Variants in PDE4D observed in about 807,000 individuals in gnomAD.
PDE4D encodes the protein 3',5'-cyclic-AMP phosphodiesterase 4D.
PDE4D carries 24 observed loss-of-function variants against 87.4 expected under a neutral mutation model. That is an observed-to-expected ratio of 0.27 (90% CI 0.20 to 0.39). The LOEUF (loss-of-function observed/expected upper bound fraction) is 0.39, where lower values mean the gene tolerates loss of function less well. Ranked by LOEUF, PDE4D falls within the 10% of genes least tolerant of loss-of-function variation. PDE4D has a pLI of 1.00. For missense variants in PDE4D, 714 were observed against 1,041.0 expected, an observed-to-expected ratio of 0.69 and a Z score of 4.32; for synonymous variants, 384 against 383.2, an observed-to-expected ratio of 1.00 and a Z score of -0.02.
At chr5:60,322,387 C>T (rs753276014) in intron 1 of PDE4D, among the ~76,000 whole-genome samples, 9,276 of 150,386 alleles carry the variant, frequency 0.062, 306 homozygotes, top group Middle Eastern at 0.079. Flanking sequence ...CACACACACA[C>T]ACACACACAC....
intron 1 of PDE4D, among the ~76,000 whole-genome samples, chr5:59,891,305 A>G (rs1475547341): frequency 6.6e-6 from 1 of 152,240 alleles, no homozygotes; most frequent in Non-Finnish European, 1.5e-5. Context: ...AATGAAGTCA[A>G]TTAAGAAACT....
intron 1 of PDE4D, among the ~76,000 whole-genome samples, chr5:59,437,469 A>G (rs1006225636): frequency 8.5e-5 from 13 of 152,224 alleles, no homozygotes; most frequent in Middle Eastern, 3.2e-3. Flanking sequence ...CCAAATAACC[A>G]AATGTATCAT....
intron 1 of PDE4D, among the ~76,000 whole-genome samples, chr5:59,556,217 T>C (rs914181651): frequency 6.6e-6 from 1 of 152,208 alleles, no homozygotes; most frequent in Non-Finnish European, 1.5e-5. Context: ...CCTGCACATC[T>C]GAGACAGAGT....
At chr5:60,045,621 T>C (rs1769129560) in intron 2 of PDE4D, among the ~76,000 whole-genome samples, 2 of 152,222 alleles carry the variant, frequency 1.3e-5, no homozygotes, top group Admixed American at 1.3e-4. Flanking sequence ...AAATAGGGAA[T>C]CCTCTCCCCA....
chr5:59,546,247 T>G (rs896436770), intron 1 of PDE4D, among the ~76,000 whole-genome samples: 1 of 152,146 alleles, frequency 6.6e-6, no homozygotes, highest in African/African-American at 2.4e-5. Context: ...ATTATATTTA[T>G]CTTTACATAA....
chr5:59,441,176 C>G (rs894391760), intron 1 of PDE4D, among the ~76,000 whole-genome samples: 1 of 150,908 alleles, frequency 6.6e-6, no homozygotes, highest in African/African-American at 2.4e-5. Context: ...CTCATTGCAG[C>G]CTCCACAGCC....
intron 1 of PDE4D, among the ~76,000 whole-genome samples, chr5:59,390,444 G>A (rs2153607754): frequency 6.6e-6 from 1 of 152,216 alleles, no homozygotes. Context: ...TTGATGAATG[G>A]ATGTTTCAGA....
At chr5:60,408,522 C>T (rs1741768492) in intron 1 of PDE4D, among the ~76,000 whole-genome samples, 1 of 152,294 alleles carries the variant, frequency 6.6e-6, no homozygotes, top group African/African-American at 2.4e-5. Context: ...CTGTCAATCA[C>T]ATAATTTCTG....
At chr5:60,160,468 TTA>T (rs1782373786) in intron 2 of PDE4D, among the ~76,000 whole-genome samples, 1 of 152,164 alleles carries the variant, frequency 6.6e-6, no homozygotes, top group African/African-American at 2.4e-5. Flanking sequence ...GCAGGAACTT[TTA>T]ACTATCTCAC....
intron 2 of PDE4D, among the ~76,000 whole-genome samples, chr5:60,138,528 T>C (rs921251823): frequency 4.6e-5 from 7 of 152,132 alleles, no homozygotes; most frequent in Admixed American, 2.0e-4. Flanking sequence ...AATCTGGAAA[T>C]GTCTTTCATT....
chr5:59,662,834 TTTATTA>T (rs750500347), intron 1 of PDE4D, among the ~76,000 whole-genome samples: 1 of 151,798 alleles, frequency 6.6e-6, no homozygotes, highest in Non-Finnish European at 1.5e-5. Flanking sequence ...ACTTCTGCTA[TTTATTA>T]TTAATTTTCT....
intron 1 of PDE4D, among the ~76,000 whole-genome samples, chr5:60,454,815 A>T (rs1472773960): frequency 6.6e-6 from 1 of 152,140 alleles, no homozygotes; most frequent in Admixed American, 6.6e-5. Flanking sequence ...GTAAAATAAA[A>T]TTTAAAAATA....
chr5:59,797,664 C>G (rs1465785574), intron 1 of PDE4D, among the ~76,000 whole-genome samples: 1 of 152,016 alleles, frequency 6.6e-6, no homozygotes, highest in African/African-American at 2.4e-5. Flanking sequence ...GGAAGCCAGC[C>G]CTCACTAGAA....
rs1773546293 is a variant in PDE4D, at chr5:60,078,352, C to T, written c.43-89635G>A. 2.0e-5 allele frequency among the ~76,000 whole-genome samples: 3 copies of T among 151,932 alleles called. No homozygotes were observed. In the South Asian group the frequency reaches 6.3e-4, roughly 32 times the overall value. ...CTCTTAGCAATGCTTTAGTTGTATC[C>T]CATATGTTTTGGTATATTTTGTTTT... On this transcript the variant is annotated intron_variant, in intron 2 of 16. Transcript: ENST00000502484.
chr5:59,079,878 AGGAG>A, intron 5 of PDE4D, among the ~76,000 whole-genome samples: 1 of 115,578 alleles, frequency 8.7e-6, no homozygotes, highest in Non-Finnish European at 1.7e-5. Flanking sequence ...AGGAGAGGAG[AGGAG>A]AAGGGGAATG....
intron 1 of PDE4D, among the ~76,000 whole-genome samples, chr5:59,333,026 G>T (rs1463178540): frequency 2.0e-5 from 3 of 152,308 alleles, no homozygotes; most frequent in Non-Finnish European, 4.4e-5. Context: ...TCAAGCTATT[G>T]TGAGTCCAGG....
In PDE4D at chr5:59,893,358, CGGGCGGCGGCGGGGGCGGCGGCAGGGG is replaced by C. The variant is rs1327254150; in HGVS notation, c.238_264del (p.Pro80_Pro88del). On this transcript the variant is annotated inframe_deletion, in exon 1 of 15. Coordinates refer to ENST00000340635, the MANE Select transcript of PDE4D (RefSeq NM_001104631.2). ...GAGGCGTAGCGGCCGCGGGCAGCCC[CGGGCGGCGGCGGGGGCGGCGGCAGGGG>C]GGGCGGCGGCGGCGGCTGTAGCGGA... 2 of 1,254,508 alleles carry C rather than the reference CGGGCGGCGGCGGGGGCGGCGGCAGGGG, an allele frequency of 1.6e-6. 1 individual carries two copies. Among genetic ancestry groups the C allele is most frequent in the South Asian group, 6.8e-5 (2 of 29,400 alleles). The allele number at this position is 1,254,508 out of a possible 1,614,324, so 77.7% of individuals were successfully genotyped here. A position where few individuals can be genotyped will look rare whatever the true frequency, so the allele number is the denominator to read the frequency against.
chr5:60,196,008 C>T (rs2149531809), intron 1 of PDE4D, among the ~76,000 whole-genome samples: 1 of 151,834 alleles, frequency 6.6e-6, no homozygotes, highest in Non-Finnish European at 1.5e-5. Flanking sequence ...ATAAAGTATG[C>T]TGTAAATGAC....
At chr5:60,210,551 C>T (rs1375845295) in intron 1 of PDE4D, among the ~76,000 whole-genome samples, 2 of 151,974 alleles carry the variant, frequency 1.3e-5, no homozygotes, top group Non-Finnish European at 2.9e-5. Context: ...GCTTATTTAG[C>T]AAAAGATAGT....
Sources: allele counts gnomAD v4.1 joint callset (sites outside exome capture counted in the v4.1 genomes callset), GRCh38; gene constraint gnomAD v4.1.1; transcripts MANE v1.5; gene names NCBI Gene and HGNC (gene_info 2026-07-23, HGNC 2026-07-21).